Variants in PPP2R5E observed in about 807,000 individuals in gnomAD.
PPP2R5E encodes serine/threonine-protein phosphatase 2A 56 kDa regulatory subunit epsilon isoform.
A neutral mutation model predicts 65.3 loss-of-function variants in PPP2R5E; 4 were observed. The observed-to-expected ratio is 0.06, with a 90% confidence interval of 0.03 to 0.14. The LOEUF is 0.14. PPP2R5E is among the 10% of genes least tolerant of loss of function. PPP2R5E has a pLI of 1.00. For missense variants in PPP2R5E, 274 were observed against 556.1 expected (o/e 0.49, Z 5.10); for synonymous variants, 183 against 187.4 (o/e 0.98, Z 0.19).
intron 3 of PPP2R5E, among the ~76,000 whole-genome samples, chr14:63,430,341 C>A (rs1352466566): frequency 1.5e-5 from 2 of 135,204 alleles, no homozygotes; most frequent in African/African-American, 3.7e-5. Flanking sequence ...TGGAGAAAAC[C>A]CATGTATACA....
At chr14:63,423,241 G>C (rs765277342) in intron 3 of PPP2R5E, among the ~76,000 whole-genome samples, 1 of 152,080 alleles carries the variant, frequency 6.6e-6, no homozygotes, top group Admixed American at 6.5e-5. Context: ...GATTACAGGC[G>C]CATGCCACCA....
At chr14:63,400,203 A>T (rs1885667061) in intron 5 of PPP2R5E, among the ~76,000 whole-genome samples, 1 of 152,222 alleles carries the variant, frequency 6.6e-6, no homozygotes, top group South Asian at 2.1e-4. Context: ...GCTGTCAGGG[A>T]TACAATGATA....
chr14:63,471,320 C>T (rs1566727971), intron 2 of PPP2R5E, among the ~76,000 whole-genome samples: 1 of 152,206 alleles, frequency 6.6e-6, no homozygotes, highest in Non-Finnish European at 1.5e-5. Context: ...ACAATACACT[C>T]TTTCAGGATC....
chr14:63,460,303 T>G (rs545734629), intron 2 of PPP2R5E, among the ~76,000 whole-genome samples: 1 of 152,166 alleles, frequency 6.6e-6, no homozygotes, highest in Non-Finnish European at 1.5e-5. Context: ...TTGTCCAACA[T>G]GACACACTGG....
chr14:63,440,765 C>T (rs991372514), intron 3 of PPP2R5E, among the ~76,000 whole-genome samples: 7 of 137,036 alleles, frequency 5.1e-5, no homozygotes, highest in African/African-American at 1.6e-4. Context: ...AGTGAAACTC[C>T]GTCTCTACTA....
chr14:63,449,672 CT>C (rs778662704), intron 3 of PPP2R5E, among the ~76,000 whole-genome samples: 14 of 152,104 alleles, frequency 9.2e-5, no homozygotes, highest in Non-Finnish European at 1.9e-4. Context: ...AGCATGTTAC[CT>C]AGGTGGAATA....
At chr14:63,527,395 T>C (rs1010421099) in intron 2 of PPP2R5E, among the ~76,000 whole-genome samples, 3 of 152,200 alleles carry the variant, frequency 2.0e-5, no homozygotes, top group Admixed American at 6.5e-5. Context: ...ATACTCCATA[T>C]TTTTCTTCCT....
At chr14:63,499,085 G>A (rs918608870) in intron 2 of PPP2R5E, among the ~76,000 whole-genome samples, 1 of 152,196 alleles carries the variant, frequency 6.6e-6, no homozygotes, top group African/African-American at 2.4e-5. Flanking sequence ...TTTAAGAAAT[G>A]CAGCTACTCA....
chr14:63,446,657 G>A (rs1007366380), intron 3 of PPP2R5E, among the ~76,000 whole-genome samples: 9 of 151,756 alleles, frequency 5.9e-5, no homozygotes, highest in Admixed American at 2.6e-4. Flanking sequence ...GTGAAACCCC[G>A]TCTCTACTAA....
chr14:63,540,196 C>A (rs1432290469), intron 1 of PPP2R5E, among the ~76,000 whole-genome samples: 1 of 147,936 alleles, frequency 6.8e-6, no homozygotes, highest in African/African-American at 2.5e-5. Flanking sequence ...TTTGGGAGGC[C>A]GAGGTGGGTG....
At chr14:63,434,660 T>A (rs577642229) in intron 3 of PPP2R5E, among the ~76,000 whole-genome samples, 1 of 152,322 alleles carries the variant, frequency 6.6e-6, no homozygotes, top group South Asian at 2.1e-4. Context: ...CTCACTATCA[T>A]CTCAAATTCA....
rs1195170119 is a variant in PPP2R5E, at chr14:63,410,934, C to CA, written c.549+4205dup. ...TCCAGCAGATGGAAAGTAAAGAAGG[C>CA]AACAATTGGAAAAATGAGGAAGGGG... On this transcript the variant is annotated intron_variant, in intron 5 of 13. Transcript: ENST00000337537. 2.0e-5 allele frequency among the ~76,000 whole-genome samples: 3 copies of CA among 152,018 alleles called. No homozygotes were observed. In the East Asian group the frequency reaches 5.8e-4, roughly 29 times the overall value.
At chr14:63,475,220 G>A (rs372057246) in intron 2 of PPP2R5E, among the ~76,000 whole-genome samples, 11 of 152,332 alleles carry the variant, frequency 7.2e-5, no homozygotes, top group African/African-American at 2.6e-4. Flanking sequence ...CTTCCCTAGA[G>A]AAAGGTTCTG....
At chr14:63,506,818 A>T (rs1370008152) in intron 2 of PPP2R5E, among the ~76,000 whole-genome samples, 1 of 152,194 alleles carries the variant, frequency 6.6e-6, no homozygotes, top group Non-Finnish European at 1.5e-5. Context: ...AAGGTAACTG[A>T]AAGTATGTCC....
chr14:63,467,227 A>C lies in PPP2R5E; in HGVS notation c.158-13342T>G, dbSNP rs566655727. On this transcript the variant is annotated intron_variant, in intron 2 of 13. Coordinates refer to ENST00000337537, the MANE Select transcript of PPP2R5E (RefSeq NM_006246.5). ...GACAGAGCAAGACTCCGTCTCAAAA[A>C]AAACAAACAAACAAACAAAAAAAAC... 4.5e-4 allele frequency among the ~76,000 whole-genome samples: 62 copies of C among 139,068 alleles called. 2 individuals are homozygous for C. Among genetic ancestry groups the C allele is most frequent in the Admixed American group, 7.5e-4 (11 of 14,690 alleles). 91.2% of individuals were successfully genotyped at this position (139,068 alleles called of 152,430 possible).
intron 5 of PPP2R5E, among the ~76,000 whole-genome samples, chr14:63,413,693 A>G (rs1387862864): frequency 6.6e-6 from 1 of 152,118 alleles, no homozygotes; most frequent in African/African-American, 2.4e-5. Context: ...TAGATCTACT[A>G]TGTATCACTT....
chr14:63,409,252 C>CA (rs1248087594), intron 5 of PPP2R5E, among the ~76,000 whole-genome samples: 1 of 148,532 alleles, frequency 6.7e-6, no homozygotes, highest in Non-Finnish European at 1.5e-5. Context: ...ATCAAATAAA[C>CA]AAAAAATAGC....
intron 3 of PPP2R5E, among the ~76,000 whole-genome samples, chr14:63,426,984 C>T (rs1410301690): frequency 1.3e-5 from 2 of 152,176 alleles, no homozygotes; most frequent in African/African-American, 4.8e-5. Flanking sequence ...CAAAAGACTT[C>T]CAAGATCTAA....
Position 63,453,878 on chromosome 14 carries a change from T to G in PPP2R5E, c.165A>C (p.Pro55=). The part of the protein sequence containing the change: ...LTPLPLLKDV[P]SSEQPELFLK... ...GGAACAGTTCAGGCTGCTCTGAGGA[T>G]GGAACGTCTAAGAAAAAAAAAGGAA... The change falls in exon 3 of 14, where the codon CCA becomes CCC. Residue 55 remains proline, a synonymous_variant. Transcript: ENST00000337537. The G allele has an allele frequency of 6.9e-7, 1 of 1,443,522 alleles. No individual in the cohort carries two copies. Among genetic ancestry groups the G allele is most frequent in the South Asian group, 1.6e-5 (1 of 60,780 alleles). 89.4% of individuals were successfully genotyped at this position (1,443,522 alleles called of 1,614,324 possible).
Sources: gnomAD v4.1 joint callset for allele counts (sites outside exome capture counted in the v4.1 genomes callset) on GRCh38, gnomAD v4.1.1 for gene constraint, MANE v1.5 for transcripts, NCBI Gene and HGNC (gene_info 2026-07-23, HGNC 2026-07-21) for gene names.